GP6: variants seen among roughly 807,000 people sequenced by gnomAD.
GP6 encodes platelet glycoprotein VI.
A neutral mutation model predicts 37.3 loss-of-function variants in GP6; 45 were observed. The observed-to-expected ratio is 1.21, with a 90% CI of 0.95 to 1.55. The LOEUF is 1.55. Ranked by LOEUF, GP6 falls within the 40% of genes most tolerant of loss-of-function variation. The pLI, the probability that GP6 is intolerant of heterozygous loss-of-function variation, is 0.00. For synonymous variants in GP6, 340 were observed against 316.4 expected (o/e 1.07, Z -0.79); for missense variants, 813 against 760.2 (o/e 1.07, Z -0.82).
At chr19:55,026,235 A>C (rs930361075) in intron 4 of GP6, among the ~76,000 whole-genome samples, 2 of 152,198 alleles carry the variant, frequency 1.3e-5, no homozygotes, top group African/African-American at 4.8e-5. Flanking sequence ...AAATGTACTG[A>C]TCAGTGGCGT....
rs545659803 is a variant in GP6, at chr19:55,034,323, A to G, written c.35-1785T>C. ...TATAATCCCAGCACTTTGGGAGGCC[A>G]GGGTGGGCGGATCACAAGGTCAGGA... On this transcript the variant is annotated intron_variant, in intron 1 of 7. Coordinates refer to ENST00000310373, the MANE Select transcript of GP6 (RefSeq NM_001083899.2). Among the ~76,000 whole-genome samples the G allele has an allele frequency of 2.4e-4, 36 of 152,190 alleles. No individual in the cohort carries two copies. The East Asian group carries it at 6.4e-3, about 27-fold the overall frequency.
rs563785189 is a variant in GP6 at position 55,025,609 on chromosome 19, G to A, written c.611-338C>T. Among the ~76,000 whole-genome samples, 5 of 152,246 alleles carry A rather than the reference G, an allele frequency of 3.3e-5. 1 individual carries two copies. In the South Asian group the frequency reaches 1.0e-3, roughly 32 times the overall value. On this transcript the variant is annotated intron_variant, in intron 4 of 7. Coordinates refer to ENST00000310373, the MANE Select transcript of GP6 (RefSeq NM_001083899.2). ...TAATCCCAGCTGCTCGGGAGGCTGA[G>A]GCAGGAGAATCACTTGAACCTAGGA...
intron 5 of GP6, among the ~76,000 whole-genome samples, chr19:55,024,300 GCACACACATATGCACGCA>G (rs1321118013): frequency 1.1e-4 from 14 of 121,974 alleles, no homozygotes; most frequent in African/African-American, 4.3e-4. Flanking sequence ...ATGCACGCAT[GCACACACATATGCACGCA>G]CACACACATA....
chr19:55,031,641 A>AT (rs2074562083), intron 3 of GP6, among the ~76,000 whole-genome samples: 1 of 152,150 alleles, frequency 6.6e-6, no homozygotes. Context: ...TCACAGCCAG[A>AT]TGCAGTGGCT....
At position 55,015,727 on chromosome 19, in the gene GP6, G is replaced by T. The variant is rs980594112; in HGVS notation, c.731C>A (p.Ser244Tyr). 2 of 1,552,910 alleles carry T rather than the reference G, an allele frequency of 1.3e-6. No homozygotes were observed. The highest frequency in any genetic ancestry group is 8.9e-7 in the Non-Finnish European group (1 of 1,123,752). The change falls in exon 7 of 8, where the codon TCT becomes TAT. Residue 244 changes from serine to tyrosine, a missense_variant. Physicochemically the swap from Ser to Tyr is moderately radical, Grantham distance 144 (BLOSUM62 -2). Transcript: ENST00000310373. ...CTTTGGACTGGCGGTGATACTCCTA[G>T]AAGTCTCTGGGAACCAAACAAAGGC...
At chr19:55,037,519 T>G (rs937727358) in intron 1 of GP6, among the ~76,000 whole-genome samples, 2 of 151,144 alleles carry the variant, frequency 1.3e-5, no homozygotes, top group African/African-American at 4.9e-5. Flanking sequence ...GTATTTTTAG[T>G]AGAGATGGGG....
At chr19:55,034,240 A>C (rs893158914) in intron 1 of GP6, among the ~76,000 whole-genome samples, 2 of 151,824 alleles carry the variant, frequency 1.3e-5, no homozygotes, top group Non-Finnish European at 2.9e-5. Context: ...TGAGCCCAGG[A>C]GGTCAAGTCT....
intron 1 of GP6, among the ~76,000 whole-genome samples, chr19:55,034,581 C>T (rs1778520959): frequency 6.6e-6 from 1 of 151,880 alleles, no homozygotes; most frequent in African/African-American, 2.4e-5. Flanking sequence ...TGATATTGCC[C>T]CATTGCACTC....
intron 1 of GP6, among the ~76,000 whole-genome samples, chr19:55,034,109 C>CAT (rs1277768162): frequency 6.9e-6 from 1 of 144,818 alleles, no homozygotes; most frequent in Non-Finnish European, 1.5e-5. Flanking sequence ...CACGTGTGTA[C>CAT]ATACACACGT....
At chr19:55,032,688 G>C (rs899751489) in intron 1 of GP6, 150 bp from the exon 2 acceptor site, 16 of 870,406 alleles carry the variant, frequency 1.8e-5, no homozygotes, top group Admixed American at 4.0e-5. Context: ...ATTTAAGTGA[G>C]AGAAACCGGT....
At chr19:55,028,466 C>T (rs1671198) in intron 3 of GP6, among the ~76,000 whole-genome samples, 113,629 of 152,086 alleles carry the variant, frequency 0.75, 43,595 homozygotes, top group Middle Eastern at 0.84. Flanking sequence ...CTGCAGTGTA[C>T]AGCTGAAATT....
In GP6 at chr19:55,034,362, C is replaced by T. The variant is rs1218001389; in HGVS notation, c.35-1824G>A. ...ACAAGGTCAGGAGTTCAAGACCAGC[C>T]TGGTCAACATGGTGAAACACCATCT... is the stretch of plus-strand genomic sequence containing the variant. On this transcript the variant is annotated intron_variant, in intron 1 of 7. Transcript: ENST00000310373. 2.0e-5 allele frequency among the ~76,000 whole-genome samples: 3 copies of T among 151,968 alleles called. No individual in the cohort carries two copies. The East Asian group carries it at 5.8e-4, about 29-fold the overall frequency.
intron 5 of GP6, among the ~76,000 whole-genome samples, chr19:55,024,299 T>TGCACACACACACGCAC (rs1568612712): frequency 8.8e-4 from 38 of 43,332 alleles, no homozygotes; most frequent in African/African-American, 1.9e-3. Context: ...TATGCACGCA[T>TGCACACACACACGCAC]GCACACACAT....
chr19:55,037,735 A>G (rs970916980), intron 1 of GP6, among the ~76,000 whole-genome samples: 1 of 139,158 alleles, frequency 7.2e-6, no homozygotes, highest in Non-Finnish European at 1.5e-5. Flanking sequence ...AGTTTCAAGC[A>G]ATTCTCCCAC....
At position 55,013,927 on chromosome 19, in the gene GP6, C is replaced by A; in HGVS notation, c.*155G>T. The A allele has an allele frequency of 2.6e-6, 1 of 388,068 alleles. No homozygotes were observed. Among genetic ancestry groups the A allele is most frequent in the South Asian group, 1.9e-5 (1 of 52,156 alleles). The allele number at this position is 388,068 out of a possible 1,614,324, so 24.0% of individuals were successfully genotyped here. A position where few individuals can be genotyped will look rare whatever the true frequency, so the allele number is the denominator to read the frequency against. ...CGCTATAATAAATATAGAACTTTAC[C>A]TTGAGAAGACCTAACATTTCCTTCA... On this transcript the variant is annotated 3_prime_UTR_variant, in exon 8 of 8. Transcript: ENST00000310373.
rs1156970264 is a variant in GP6 at position 55,032,492 on chromosome 19, G to A, written c.67+14C>T. ...GGATCCCGCAGGAGGGAAGGGGTCT[G>A]GGGAAGGACTCACCACTCTGCGCTG... On this transcript the variant is annotated intron_variant, in intron 2 of 7. Coordinates refer to ENST00000310373, the MANE Select transcript of GP6 (RefSeq NM_001083899.2). 1.2e-6 allele frequency: 2 copies of A among 1,613,840 alleles called. No homozygotes were observed. The highest frequency in any genetic ancestry group is 1.1e-5 in the South Asian group (1 of 91,060).
At position 55,015,417 on chromosome 19, in the gene GP6, C is replaced by G. The variant is rs746917018; in HGVS notation, c.780-252G>C. 3.3e-5 allele frequency among the ~76,000 whole-genome samples: 5 copies of G among 152,300 alleles called. No individual in the cohort carries two copies. The East Asian group carries it at 7.7e-4, about 23-fold the overall frequency. On this transcript the variant is annotated intron_variant, in intron 7 of 7. Transcript: ENST00000310373. ...TCCTCCCCAGACACAGATGCTGCCTCGTTATCTGATGCATTGCAAAAGAGA... is the reference window on the plus strand; with the variant it reads ...TCCTCCCCAGACACAGATGCTGCCTGGTTATCTGATGCATTGCAAAAGAGA...
chr19:55,014,931 A>C lies in GP6; in HGVS notation c.1014T>G (p.Val338=). 1 of 1,613,730 alleles carries C rather than the reference A, an allele frequency of 6.2e-7. No homozygotes were observed. Among genetic ancestry groups the C allele is most frequent in the Non-Finnish European group, 8.5e-7 (1 of 1,179,982 alleles). Residue 338 remains valine, a synonymous_variant, in exon 8 of 8, where the codon GTT becomes GTG. Transcript: ENST00000310373. ...CCTGGGGTTCAGCGGTCATGAACATAACCCGCGGCTGTGAACATCCTGTCG... is the reference window on the plus strand; with the variant it reads ...CCTGGGGTTCAGCGGTCATGAACATCACCCGCGGCTGTGAACATCCTGTCG...
chr19:55,032,129 C>A lies in GP6; in HGVS notation c.325+10G>T. 6.2e-7 allele frequency: 1 copy of A among 1,613,346 alleles called. No individual in the cohort carries two copies. The highest frequency in any genetic ancestry group is 8.5e-7 in the Non-Finnish European group (1 of 1,179,860). On this transcript the variant is annotated intron_variant, in intron 3 of 7. Transcript: ENST00000310373. The stretch of plus-strand genomic sequence containing the variant: ...CACGCAGTCCCAGGCTCCGATCCCC[C>A]TTCCTTTACCCGTGGCAACGAGCTC...
Sources: allele counts gnomAD v4.1 joint callset (sites outside exome capture counted in the v4.1 genomes callset), GRCh38; gene constraint gnomAD v4.1.1; transcripts MANE v1.5; gene names NCBI Gene and HGNC (gene_info 2026-07-23, HGNC 2026-07-21).